The following PTPRD variants were observed in gnomAD, a reference collection of about 807,000 sequenced individuals.
The protein encoded by PTPRD is receptor-type tyrosine-protein phosphatase delta.
A neutral mutation model predicts 214.5 loss-of-function variants in PTPRD; 34 were observed. The observed-to-expected ratio is 0.16, with a 90% CI of 0.12 to 0.21. PTPRD has a LOEUF of 0.21. PTPRD is among the 10% of genes least tolerant of loss of function. PTPRD has a pLI of 1.00. For missense variants in PTPRD, 2,545 were observed against 2,398.7 expected (o/e 1.06, Z -1.27); for synonymous variants, 1,128 against 845.7 (o/e 1.33, Z -5.79).
chr9:9,722,272 C>A (rs919654666), intron 7 of PTPRD, among the ~76,000 whole-genome samples: 6 of 152,034 alleles, frequency 3.9e-5, no homozygotes, highest in Admixed American at 3.9e-4. Context: ...GCAACCAAAT[C>A]TATGGATTTC....
chr9:8,852,415 T>C (rs890174378), intron 11 of PTPRD, among the ~76,000 whole-genome samples: 3 of 152,208 alleles, frequency 2.0e-5, no homozygotes, highest in Non-Finnish European at 4.4e-5. Context: ...ACTTAGCCTT[T>C]CTGGTCAATG....
At position 10,482,884 on chromosome 9, in the gene PTPRD, G is replaced by C. The variant is rs748789529; in HGVS notation, c.-600+129514C>G. ...TCCAAAAGCAATTGACAGATTGAAT[G>C]CAATCCCTATTACAATAACAACATG... On this transcript the variant is annotated intron_variant, in intron 2 of 45. Transcript: ENST00000381196. Among the ~76,000 whole-genome samples, 3 of 152,144 alleles carry C rather than the reference G, an allele frequency of 2.0e-5. No individual in the cohort carries two copies. In the South Asian group the frequency reaches 6.2e-4, roughly 31 times the overall value.
chr9:8,605,509 C>G (rs911678127), intron 14 of PTPRD, among the ~76,000 whole-genome samples: 14 of 152,276 alleles, frequency 9.2e-5, no homozygotes, highest in African/African-American at 3.4e-4. Context: ...GAAGACTCCT[C>G]AGTGGTTACA....
At chr9:9,983,449 T>A (rs1356805365) in intron 4 of PTPRD, among the ~76,000 whole-genome samples, 1 of 152,180 alleles carries the variant, frequency 6.6e-6, no homozygotes, top group Non-Finnish European at 1.5e-5. Context: ...GTATGCAAAG[T>A]CAAACACCAA....
At chr9:9,007,319 T>C (rs1589683426) in intron 11 of PTPRD, among the ~76,000 whole-genome samples, 1 of 150,622 alleles carries the variant, frequency 6.6e-6, no homozygotes, top group African/African-American at 2.4e-5. Flanking sequence ...TGCTAACTGG[T>C]AGCCCAAAGA....
At chr9:9,864,468 A>G (rs535626276) in intron 5 of PTPRD, among the ~76,000 whole-genome samples, 3 of 152,264 alleles carry the variant, frequency 2.0e-5, no homozygotes, top group African/African-American at 7.2e-5. Context: ...AGAAATACAG[A>G]AAACACTAAT....
At chr9:8,321,528 A>ATATATATAT (rs1563892616) in intron 44 of PTPRD, among the ~76,000 whole-genome samples, 12 of 79,166 alleles carry the variant, frequency 1.5e-4, no homozygotes, top group Admixed American at 2.6e-4. Context: ...TATATATATA[A>ATATATATAT]AAGGTATATG....
At chr9:10,181,686 T>C (rs1356556738) in intron 3 of PTPRD, among the ~76,000 whole-genome samples, 1 of 151,432 alleles carries the variant, frequency 6.6e-6, no homozygotes, top group East Asian at 1.9e-4. Flanking sequence ...TCAAATGGAG[T>C]AGCATAAGTG....
intron 7 of PTPRD, among the ~76,000 whole-genome samples, chr9:9,637,098 C>T (rs2095796351): frequency 6.6e-6 from 1 of 152,126 alleles, no homozygotes; most frequent in East Asian, 1.9e-4. Flanking sequence ...CCCCACCTCC[C>T]AAAACTATTA....
At chr9:10,278,063 G>A (rs1463378483) in intron 3 of PTPRD, among the ~76,000 whole-genome samples, 1 of 152,098 alleles carries the variant, frequency 6.6e-6, no homozygotes, top group Non-Finnish European at 1.5e-5. Flanking sequence ...GGGAGGCTGA[G>A]GCAGGAGAAT....
intron 2 of PTPRD, among the ~76,000 whole-genome samples, chr9:10,477,084 T>A (rs564092048): frequency 6.6e-6 from 1 of 152,192 alleles, no homozygotes; most frequent in East Asian, 1.9e-4. Flanking sequence ...AAAGAGTTCA[T>A]GACTAAAACA....
At chr9:8,381,733 G>T (rs962794890) in intron 37 of PTPRD, among the ~76,000 whole-genome samples, 10 of 152,002 alleles carry the variant, frequency 6.6e-5, no homozygotes, top group Non-Finnish European at 1.5e-4. Context: ...TGAACCATTC[G>T]CACACTTTCT....
At chr9:10,252,808 A>G (rs975942870) in intron 3 of PTPRD, among the ~76,000 whole-genome samples, 1 of 152,086 alleles carries the variant, frequency 6.6e-6, no homozygotes, top group Admixed American at 6.5e-5. Context: ...TTTTGAGACA[A>G]ACACTCACTC....
intron 37 of PTPRD, among the ~76,000 whole-genome samples, chr9:8,380,420 C>T (rs79946205): frequency 0.012 from 1,901 of 152,260 alleles, 44 homozygotes; most frequent in African/African-American, 0.044. Context: ...ACTTGTCACT[C>T]AGGCTGTGGT....
intron 7 of PTPRD, among the ~76,000 whole-genome samples, chr9:9,664,472 C>G (rs528361121): frequency 6.6e-6 from 1 of 151,602 alleles, no homozygotes; most frequent in Non-Finnish European, 1.5e-5. Flanking sequence ...TCTGCCCGGA[C>G]ATGCAATTAG....
rs2090437708 is a variant in PTPRD, at chr9:9,446,460, G to C, written c.-236-48978C>G. Among the ~76,000 whole-genome samples the C allele has an allele frequency of 1.3e-5, 2 of 152,110 alleles. 1 individual carries two copies. The highest frequency in any genetic ancestry group is 4.1e-4 in the South Asian group (2 of 4,830). The stretch of plus-strand genomic sequence containing the variant: ...GTATCCAAACTGCTTCACACCTCCT[G>C]AGACTTTCGTGAGGTTTTAACATTA... On this transcript the variant is annotated intron_variant, in intron 8 of 45. Coordinates refer to ENST00000381196, the MANE Select transcript of PTPRD (RefSeq NM_002839.4).
rs150333302 is a variant in PTPRD, at chr9:10,609,626, T to C, written c.-600+2772A>G. ...GCATTTGCAGAACTCTGCACCTGCA[T>C]ACATTTGGATTCCTGCATCCTACTA... On this transcript the variant is annotated intron_variant, in intron 2 of 45. Coordinates refer to ENST00000381196, the MANE Select transcript of PTPRD (RefSeq NM_002839.4). Among the ~76,000 whole-genome samples the C allele has an allele frequency of 2.6e-5, 4 of 152,270 alleles. No homozygotes were observed. The East Asian group carries it at 7.7e-4, about 29-fold the overall frequency.
chr9:10,162,986 C>T (rs986666353), intron 3 of PTPRD, among the ~76,000 whole-genome samples: 3 of 150,716 alleles, frequency 2.0e-5, no homozygotes, highest in Non-Finnish European at 4.5e-5. Context: ...AAATCTATAT[C>T]TGTATCTATC....
At chr9:9,411,747 T>A (rs1329910936) in intron 8 of PTPRD, among the ~76,000 whole-genome samples, 1 of 152,188 alleles carries the variant, frequency 6.6e-6, no homozygotes, top group African/African-American at 2.4e-5. Flanking sequence ...TCTCTTAATG[T>A]TTTAAATTAA....
Sources: gnomAD v4.1 joint callset for allele counts (sites outside exome capture counted in the v4.1 genomes callset) on GRCh38, gnomAD v4.1.1 for gene constraint, MANE v1.5 for transcripts, NCBI Gene and HGNC (gene_info 2026-07-23, HGNC 2026-07-21) for gene names.